SLC2A13: variants seen among roughly 807,000 people sequenced by gnomAD.
SLC2A13 encodes the protein solute carrier family 2 member 13, also known as proton myo-inositol cotransporter.
In SLC2A13, 32 loss-of-function variants were observed where a neutral mutation model predicts 64.4. The observed-to-expected ratio is 0.50, with a 90% CI of 0.37 to 0.67. The LOEUF is 0.67. Ranked by LOEUF, SLC2A13 falls within the 30% of genes least tolerant of loss-of-function variation. SLC2A13 has a pLI of 0.00. For missense variants in SLC2A13, 743 were observed against 829.2 expected (o/e 0.90, Z 1.28); for synonymous variants, 338 against 327.1 (o/e 1.03, Z -0.36).
intron 3 of SLC2A13, among the ~76,000 whole-genome samples, chr12:40,026,683 C>T (rs2136214164): frequency 6.6e-6 from 1 of 152,294 alleles, no homozygotes; most frequent in Non-Finnish European, 1.5e-5. Flanking sequence ...AAGAAAAATA[C>T]AGGCTCTAAA....
chr12:39,835,506 T>C (rs1942981431), intron 6 of SLC2A13, among the ~76,000 whole-genome samples: 1 of 152,066 alleles, frequency 6.6e-6, no homozygotes, highest in Admixed American at 6.6e-5. Context: ...ATAAAAGGAA[T>C]TGCGGAATGA....
At chr12:39,920,093 C>T (rs1297292482) in intron 4 of SLC2A13, among the ~76,000 whole-genome samples, 3 of 152,052 alleles carry the variant, frequency 2.0e-5, no homozygotes, top group Non-Finnish European at 4.4e-5. Flanking sequence ...AATTTACCTT[C>T]TTACATGCCT....
chr12:40,004,773 G>A (rs1367408584), intron 3 of SLC2A13, among the ~76,000 whole-genome samples: 1 of 151,904 alleles, frequency 6.6e-6, no homozygotes, highest in Non-Finnish European at 1.5e-5. Context: ...ACAAACAGTT[G>A]ATTAATATAT....
In SLC2A13 at chr12:39,972,007, T is replaced by TACAC. The variant is rs199891917; in HGVS notation, c.926-20643_926-20642insGTGT. On this transcript the variant is annotated intron_variant, in intron 3 of 9. Transcript: ENST00000280871. ...AGAAAAAAAAAAAAAAATATATATATATATATATTTTTTTTTATATAAATA... is the reference window on the plus strand; with the variant it reads ...AGAAAAAAAAAAAAAAATATATATATACACATATATATTTTTTTTTATATAAATA... Among the ~76,000 whole-genome samples the TACAC allele has an allele frequency of 2.1e-3, 161 of 78,532 alleles. 1 individual carries two copies. Among genetic ancestry groups the TACAC allele is most frequent in the Middle Eastern group, 6.9e-3 (1 of 144 alleles). 51.5% of individuals were successfully genotyped at this position (78,532 alleles called of 152,430 possible).
intron 4 of SLC2A13, among the ~76,000 whole-genome samples, chr12:39,936,686 C>T (rs774700322): frequency 1.3e-5 from 2 of 152,110 alleles, no homozygotes; most frequent in African/African-American, 2.4e-5. Context: ...AAGGAAATTA[C>T]AGCTGATTGG....
chr12:39,790,525 C>G (rs895977730), intron 7 of SLC2A13, among the ~76,000 whole-genome samples: 2 of 150,728 alleles, frequency 1.3e-5, no homozygotes, highest in Non-Finnish European at 3.0e-5. Flanking sequence ...CAATTTCATC[C>G]ATGTCCCTAC....
chr12:40,046,187 C>T (rs1390837599), intron 2 of SLC2A13, among the ~76,000 whole-genome samples: 4 of 152,136 alleles, frequency 2.6e-5, no homozygotes, highest in Non-Finnish European at 4.4e-5. Flanking sequence ...CTCAGAGGGG[C>T]TAAATGATTT....
At chr12:39,917,996 A>T (rs1945548864) in intron 4 of SLC2A13, among the ~76,000 whole-genome samples, 1 of 152,156 alleles carries the variant, frequency 6.6e-6, no homozygotes, top group Admixed American at 6.5e-5. Flanking sequence ...GAAACAAAAC[A>T]AAACTTGATT....
At chr12:40,040,237 T>G (rs1948061905) in intron 2 of SLC2A13, among the ~76,000 whole-genome samples, 1 of 152,242 alleles carries the variant, frequency 6.6e-6, no homozygotes. Context: ...TAAATAACAT[T>G]GTATGACTGC....
intron 3 of SLC2A13, among the ~76,000 whole-genome samples, chr12:39,980,759 G>T (rs1254265118): frequency 5.9e-5 from 9 of 152,086 alleles, no homozygotes; most frequent in African/African-American, 1.9e-4. Flanking sequence ...ACATTAGACA[G>T]ATCAACGAGA....
intron 4 of SLC2A13, among the ~76,000 whole-genome samples, chr12:39,896,172 G>T (rs1410245122): frequency 6.9e-6 from 1 of 143,982 alleles, no homozygotes; most frequent in African/African-American, 2.6e-5. Flanking sequence ...ATACATATAT[G>T]AATATGTATA....
intron 7 of SLC2A13, among the ~76,000 whole-genome samples, chr12:39,779,580 C>CT (rs891251775): frequency 2.0e-5 from 3 of 152,132 alleles, no homozygotes; most frequent in East Asian, 3.8e-4. Flanking sequence ...AATTAAAACA[C>CT]TTTTTTTGCT....
intron 7 of SLC2A13, among the ~76,000 whole-genome samples, chr12:39,805,514 GTTT>G (rs10714045): frequency 2.0e-5 from 3 of 149,272 alleles, no homozygotes; most frequent in South Asian, 2.1e-4. Flanking sequence ...GCCTCTGTTG[GTTT>G]TTTTTTTTTC....
chr12:39,851,842 CTG>C (rs907705564), intron 6 of SLC2A13, among the ~76,000 whole-genome samples: 24 of 152,156 alleles, frequency 1.6e-4, no homozygotes, highest in African/African-American at 5.1e-4. Context: ...ATCTATTTCC[CTG>C]TGTCAAGAAT....
chr12:39,832,794 A>G (rs912758911), intron 6 of SLC2A13, among the ~76,000 whole-genome samples: 1 of 152,008 alleles, frequency 6.6e-6, no homozygotes, highest in Non-Finnish European at 1.5e-5. Context: ...CTTCTCCTCT[A>G]TCATTCCATT....
intron 1 of SLC2A13, among the ~76,000 whole-genome samples, chr12:40,065,399 T>C (rs977222669): frequency 6.7e-6 from 1 of 149,894 alleles, no homozygotes; most frequent in East Asian, 2.0e-4. Flanking sequence ...CTGGGCAACA[T>C]AGTGAAACCT....
At chr12:40,044,458 G>A (rs944576595) in intron 2 of SLC2A13, among the ~76,000 whole-genome samples, 1 of 152,108 alleles carries the variant, frequency 6.6e-6, no homozygotes. Context: ...AAATGGATGA[G>A]TTGAATGGTG....
At chr12:39,990,258 G>A (rs1034041729) in intron 3 of SLC2A13, among the ~76,000 whole-genome samples, 11 of 152,124 alleles carry the variant, frequency 7.2e-5, no homozygotes, top group African/African-American at 2.4e-4. Context: ...TAACAGAGCA[G>A]GAATGTCTCT....
chr12:39,759,982 C>A lies in SLC2A13; in HGVS notation c.*44G>T. 2.0e-6 allele frequency: 3 copies of A among 1,480,822 alleles called. No homozygotes were observed. Among genetic ancestry groups the A allele is most frequent in the Non-Finnish European group, 2.8e-6 (3 of 1,065,116 alleles). The allele number at this position is 1,480,822 out of a possible 1,614,324, so 91.7% of individuals were successfully genotyped here. ...TGAAGTCACCAATTGCTGTTCTTCT[C>A]CCCCCAGTTTGTTTAAATAACTAAA... On this transcript the variant is annotated 3_prime_UTR_variant, in exon 10 of 10. Transcript: ENST00000280871.
Sources: gnomAD v4.1 joint callset for allele counts (sites outside exome capture counted in the v4.1 genomes callset) on GRCh38, gnomAD v4.1.1 for gene constraint, MANE v1.5 for transcripts, NCBI Gene and HGNC (gene_info 2026-07-23, HGNC 2026-07-21) for gene names.